The following SMARCC2 variants were observed in gnomAD, a reference collection of about 807,000 sequenced individuals.
SMARCC2 encodes the protein SWI/SNF complex subunit SMARCC2.
In SMARCC2, 15 loss-of-function variants were observed where a neutral mutation model predicts 151.3. The ratio of observed to expected loss-of-function variants is 0.10; its 90% CI spans 0.07 to 0.15. The LOEUF (loss-of-function observed/expected upper bound fraction) is 0.15, where lower values mean the gene tolerates loss of function less well. Ranked by LOEUF, SMARCC2 falls within the 10% of genes least tolerant of loss-of-function variation. The pLI is 1.00. For synonymous variants in SMARCC2, 590 were observed against 609.5 expected (o/e 0.97, Z 0.47); for missense variants, 1,031 against 1,599.7 (o/e 0.64, Z 6.06).
At chr12:56,181,139 C>A in intron 10 of SMARCC2, 38 bp from the exon 11 acceptor site, 1 of 1,593,454 alleles carries the variant, frequency 6.3e-7, no homozygotes. Flanking sequence ...CCCAGTCATC[C>A]TTGGACAAGG....
rs1565917921 is a variant in SMARCC2, at chr12:56,181,850, C to T, written c.709-15G>A. ...TTTGCATGAACCTAAAGTACAAAGG[C>T]AGATCATGCTGCAGAGAAGCCTGGA... On this transcript the variant is annotated splice_polypyrimidine_tract_variant and intron_variant, in intron 8 of 28. Coordinates refer to ENST00000550164, the MANE Select transcript of SMARCC2 (RefSeq NM_001330288.2). The T allele has an allele frequency of 2.5e-6, 4 of 1,614,050 alleles. No homozygotes were observed. Among genetic ancestry groups the T allele is most frequent in the Non-Finnish European group, 3.4e-6 (4 of 1,179,972 alleles).
Position 56,173,842 on chromosome 12 carries a change from C to A in SMARCC2, c.1504G>T (p.Ala502Ser). The change falls in exon 17 of 29, where the codon GCC becomes TCC. Residue 502 changes from alanine (A) to serine (S), a missense_variant. This residue lies in a region of SMARCC2 where 51 missense variants were observed against 135.1 expected (regional missense o/e 0.38). Transcript: ENST00000550164. ...GDVCAIMRVH[A>S]FLEQWGLINY... Reference sequence around the variant, plus strand: ...ATAAGACCCCACTGTTCTAGGAAGGCATGGACCCTGTGCAGAGAGAGGCAG... The same window carrying A: ...ATAAGACCCCACTGTTCTAGGAAGGAATGGACCCTGTGCAGAGAGAGGCAG... 6.2e-7 allele frequency: 1 copy of A among 1,613,352 alleles called. No homozygotes were observed. Among genetic ancestry groups the A allele is most frequent in the Non-Finnish European group, 8.5e-7 (1 of 1,179,548 alleles).
At chr12:56,187,777 G>A (rs925253379) in intron 1 of SMARCC2, among the ~76,000 whole-genome samples, 1 of 152,136 alleles carries the variant, frequency 6.6e-6, no homozygotes, top group African/African-American at 2.4e-5. Context: ...AAGTGAAGGA[G>A]GGCAAGTTGA....
At chr12:56,176,079 G>A (rs576181970) in intron 15 of SMARCC2, among the ~76,000 whole-genome samples, 87 of 152,194 alleles carry the variant, frequency 5.7e-4, no homozygotes, top group African/African-American at 1.8e-3. Context: ...GGCTGGTCTC[G>A]AACTCCTGAC....
rs1872169890 is a variant in SMARCC2 at position 56,163,474 on chromosome 12, T to TA, written c.*214_*215insT. 5.3e-6 allele frequency: 2 copies of TA among 375,260 alleles called. No individual in the cohort carries two copies. The highest frequency in any genetic ancestry group is 9.6e-6 in the Non-Finnish European group (2 of 209,320). The allele number at this position is 375,260 out of a possible 1,614,324, so 23.2% of individuals were successfully genotyped here. Reference sequence around the variant, plus strand: ...CCCATCCTATCCTCTCTCCCAGACATTATAAACATCTTTTAAACAGAAGTC... The same window carrying TA: ...CCCATCCTATCCTCTCTCCCAGACATATATAAACATCTTTTAAACAGAAGTC... On this transcript the variant is annotated 3_prime_UTR_variant, in exon 29 of 29. Coordinates refer to ENST00000550164, the MANE Select transcript of SMARCC2 (RefSeq NM_001330288.2).
intron 26 of SMARCC2, among the ~76,000 whole-genome samples, chr12:56,166,310 T>C (rs1211135012): frequency 1.3e-5 from 2 of 151,588 alleles, no homozygotes; most frequent in Non-Finnish European, 2.9e-5. Context: ...CCGGGCTAAT[T>C]TTTTGTATTT....
intron 26 of SMARCC2, among the ~76,000 whole-genome samples, chr12:56,166,203 G>A (rs753834086): frequency 6.6e-6 from 1 of 152,128 alleles, no homozygotes. Context: ...GTACAGTAGC[G>A]TGATCTCAGC....
At chr12:56,166,868 A>G (rs926977413) in intron 26 of SMARCC2, among the ~76,000 whole-genome samples, 1 of 152,140 alleles carries the variant, frequency 6.6e-6, no homozygotes, top group African/African-American at 2.4e-5. Context: ...GTTTGAGACC[A>G]GCCTGGCCAA....
chr12:56,171,256 C>A lies in SMARCC2; in HGVS notation c.2347+15G>T. 2 of 1,612,060 alleles carry A rather than the reference C, an allele frequency of 1.2e-6. No homozygotes were observed. The highest frequency in any genetic ancestry group is 1.3e-5 in the African/African-American group (1 of 74,976). On this transcript the variant is annotated intron_variant, in intron 22 of 28. Transcript: ENST00000550164. The surrounding 1 kb of genome is among the most constrained non-coding windows in gnomAD (Gnocchi z 4.2). ...TTGTGAAAGGCAAGAAATCTGGGAACCTGCCTGGCCTTACCAATCCGCTCA... is the reference window on the plus strand; with the variant it reads ...TTGTGAAAGGCAAGAAATCTGGGAAACTGCCTGGCCTTACCAATCCGCTCA...
At position 56,183,881 on chromosome 12, in the gene SMARCC2, G is replaced by A; in HGVS notation, c.612C>T (p.His204=). 6.2e-7 allele frequency: 1 copy of A among 1,613,542 alleles called. No individual in the cohort carries two copies. The highest frequency in any genetic ancestry group is 8.5e-7 in the Non-Finnish European group (1 of 1,179,682). Residue 204 remains histidine, a synonymous_variant, in exon 7 of 29, where the codon CAC becomes CAT. Coordinates refer to ENST00000550164, the MANE Select transcript of SMARCC2 (RefSeq NM_001330288.2). ...VMKRDKQVLL[H]WGYYPDSYDT... Reference sequence around the variant, plus strand: ...CTCACCTGTCAGGATAGTAGCCCCAGTGCAGAAGAACCTGCTTATCCCTCT... The same window carrying A: ...CTCACCTGTCAGGATAGTAGCCCCAATGCAGAAGAACCTGCTTATCCCTCT...
chr12:56,167,588 T>C (rs796382827), intron 26 of SMARCC2, among the ~76,000 whole-genome samples: 8 of 152,286 alleles, frequency 5.3e-5, no homozygotes, highest in African/African-American at 1.9e-4. Context: ...GTTCACCTCC[T>C]GGATCTGAGG....
Position 56,164,286 on chromosome 12 carries a change from T to C in SMARCC2, c.3661+17A>G. 6.2e-7 allele frequency: 1 copy of C among 1,610,836 alleles called. No homozygotes were observed. The highest frequency in any genetic ancestry group is 1.1e-5 in the South Asian group (1 of 90,998). ...ACCCCTCTCCCTCACCCTTCTCCCC[T>C]CTTGGCCCCTTCTCACCTGGCAGTG... On this transcript the variant is annotated intron_variant, in intron 28 of 28. Transcript: ENST00000550164.
At chr12:56,166,902 A>G (rs1353970053) in intron 26 of SMARCC2, among the ~76,000 whole-genome samples, 2 of 151,958 alleles carry the variant, frequency 1.3e-5, no homozygotes, top group Non-Finnish European at 1.5e-5. Flanking sequence ...TGTCTCTACT[A>G]AAAATACAAA....
rs1565912315 is a variant in SMARCC2 at position 56,178,522 on chromosome 12, TCTCATC to T, written c.1186_1191del (p.Asp396_Glu397del). 1 of 1,614,226 alleles carries T rather than the reference TCTCATC, an allele frequency of 6.2e-7. No individual in the cohort carries two copies. Among genetic ancestry groups the T allele is most frequent in the East Asian group, 2.2e-5 (1 of 44,888 alleles). On this transcript the variant is annotated inframe_deletion, in exon 14 of 29. Coordinates refer to ENST00000550164, the MANE Select transcript of SMARCC2 (RefSeq NM_001330288.2). ...TGCTCTCCCTTGTTCCCCGTACTGT[TCTCATC>T]CTCATCCTACGAGTATGGAGGCTGC... is the stretch of plus-strand genomic sequence containing the variant.
intron 1 of SMARCC2, among the ~76,000 whole-genome samples, chr12:56,188,524 C>T (rs1432330548): frequency 6.6e-6 from 1 of 152,192 alleles, no homozygotes; most frequent in Non-Finnish European, 1.5e-5. Flanking sequence ...ACAAAGACGA[C>T]ACCAGGAAGA....
rs1873922410 is a variant in SMARCC2, at chr12:56,171,383, G to A, written c.2235C>T (p.Ala745=). ...CTGCTTCTTCCACTTTTCGAACATG[G>A]GCCTCCACCAAGGCCGTGGGTACCT... The part of the protein sequence containing the change: ...KEEVPTALVE[A]HVRKVEEAAK... The change falls in exon 22 of 29, where the codon GCC becomes GCT. Residue 745 remains alanine, a synonymous_variant. Coordinates refer to ENST00000550164, the MANE Select transcript of SMARCC2 (RefSeq NM_001330288.2). The surrounding 1 kb of genome is among the most constrained non-coding windows in gnomAD (Gnocchi z 4.2). The A allele has an allele frequency of 6.2e-7, 1 of 1,614,028 alleles. No individual in the cohort carries two copies. The highest frequency in any genetic ancestry group is 1.1e-5 in the South Asian group (1 of 91,090).
At chr12:56,177,531 G>A (rs762108032) in intron 15 of SMARCC2, among the ~76,000 whole-genome samples, 11 of 152,092 alleles carry the variant, frequency 7.2e-5, no homozygotes, top group African/African-American at 2.2e-4. Context: ...ATTTACAGTC[G>A]TGAGCCACCG....
intron 17 of SMARCC2, among the ~76,000 whole-genome samples, chr12:56,173,474 T>G (rs1874345152): frequency 6.6e-6 from 1 of 152,130 alleles, no homozygotes; most frequent in Non-Finnish European, 1.5e-5. Flanking sequence ...ACTCCTTGAG[T>G]AAAAGGATAA....
At chr12:56,177,731 T>C (rs1875311811) in intron 15 of SMARCC2, among the ~76,000 whole-genome samples, 1 of 152,212 alleles carries the variant, frequency 6.6e-6, no homozygotes, top group Non-Finnish European at 1.5e-5. Context: ...ATCAGTAATA[T>C]GGATTTAAAG....
Sources: allele counts gnomAD v4.1 joint callset (sites outside exome capture counted in the v4.1 genomes callset), GRCh38; gene constraint gnomAD v4.1.1; regional missense constraint gnomAD v4.1.1; non-coding constraint Gnocchi (gnomAD v3.1); transcripts MANE v1.5; gene names NCBI Gene and HGNC (gene_info 2026-07-23, HGNC 2026-07-21).